Variants in OR13C3 observed in about 807,000 individuals in gnomAD.
OR13C3 encodes the protein olfactory receptor family 13 subfamily C member 3.
A neutral mutation model predicts 14.4 loss-of-function variants in OR13C3; 19 were observed. The ratio of observed to expected loss-of-function variants is 1.31; its 90% CI spans 0.92 to 1.93. The LOEUF is 1.93. OR13C3 is among the 30% of genes most tolerant of loss of function. The pLI is 0.00. For missense variants in OR13C3, 394 were observed against 381.4 expected, an observed-to-expected ratio of 1.03 and a Z score of -0.27; for synonymous variants, 140 against 142.5, an observed-to-expected ratio of 0.98 and a Z score of 0.12.
At chr9:104,536,346 G>T in exon 1 of OR13C3, 2 of 1,614,146 alleles carry the variant, frequency 1.2e-6, no homozygotes, top group Middle Eastern at 3.3e-4. Flanking sequence ...GTGGGTTGCA[G>T]ATGGCCACAT....
exon 1 of OR13C3, chr9:104,535,856 T>A (rs202056386): frequency 1.2e-6 from 2 of 1,612,838 alleles, no homozygotes; most frequent in Non-Finnish European, 1.7e-6. Flanking sequence ...GGATTCAGCA[T>A]GGGTGTCACT....
chr9:104,536,762 G>A (rs76824498), exon 1 of OR13C3: 13 of 1,613,544 alleles, frequency 8.1e-6, no homozygotes, highest in Non-Finnish European at 1.1e-5. Flanking sequence ...GATCTAACAT[G>A]AAATGTATTT....
exon 1 of OR13C3, chr9:104,536,609 G>C (rs1330501019): frequency 3.7e-6 from 6 of 1,613,982 alleles, no homozygotes; most frequent in Non-Finnish European, 5.1e-6. Context: ...TTGCCAATTA[G>C]AATCACTAGG....
At chr9:104,536,691 T>A in exon 1 of OR13C3, 1 of 1,614,024 alleles carries the variant, frequency 6.2e-7, no homozygotes, top group Non-Finnish European at 8.5e-7. Context: ...GAAGAAGAAA[T>A]TCTGACACAA....
At chr9:104,536,199 A>G (rs760237575) in exon 1 of OR13C3, 1 of 1,614,130 alleles carries the variant, frequency 6.2e-7, no homozygotes, top group South Asian at 1.1e-5. Context: ...ATGCGAAATG[A>G]TTGATAATAT....
chr9:104,536,724 GTCA>G lies in OR13C3; in HGVS notation c.-4_-2del. 3.1e-6 allele frequency: 5 copies of G among 1,613,718 alleles called. No homozygotes were observed. Among genetic ancestry groups the G allele is most frequent in the Non-Finnish European group, 4.2e-6 (5 of 1,179,684 alleles). On this transcript the variant is annotated 5_prime_UTR_variant, in exon 1 of 1. It removes an upstream start codon present in the reference 5' UTR. Coordinates refer to ENST00000641090, the Ensembl canonical transcript of OR13C3. ...CAAGTGTCTGGTTAATCTCACCCAT[GTCA>G]TCTGCTTTCAGGAAATCAAAAGAAG...
At chr9:104,536,087 C>T in exon 1 of OR13C3, 1 of 1,613,896 alleles carries the variant, frequency 6.2e-7, no homozygotes, top group Non-Finnish European at 8.5e-7. Context: ...AAAAAAATGA[C>T]CATCAGTGGA....
In OR13C3 at chr9:104,536,112, C is replaced by T. The variant is rs749632294; in HGVS notation, c.612G>A (p.Met204Ile). 21 of 1,613,690 alleles carry T rather than the reference C, an allele frequency of 1.3e-5. No individual in the cohort carries two copies. In the South Asian group the frequency reaches 2.2e-4, roughly 17 times the overall value. The change falls in exon 1 of 1, where the codon ATG (methionine) becomes ATA (isoleucine). Residue 204 changes from methionine (M) to isoleucine (I), a missense_variant. By Grantham distance (10) the Met-to-Ile change is conservative. Coordinates refer to ENST00000641090, the Ensembl canonical transcript of OR13C3. ...CCATCAGTGGAAGAACCAGGAAGGC[C>T]ATATTTGATATCACCATGGTGATAA... is the stretch of plus-strand genomic sequence containing the variant.
In OR13C3 at chr9:104,536,770, T is replaced by C. The variant is rs150189808; in HGVS notation, c.-47A>G. On this transcript the variant is annotated 5_prime_UTR_variant, in exon 1 of 1. Transcript: ENST00000641090. ...AAAAGAAGATCTAACATGAAATGTA[T>C]TTACTGCCAAGAAACAAACAGTACA... is the stretch of plus-strand genomic sequence containing the variant. The C allele has an allele frequency of 2.5e-5, 40 of 1,613,646 alleles. No individual in the cohort carries two copies. In the African/African-American group the frequency reaches 5.1e-4, roughly 20 times the overall value.
chr9:104,536,264 T>C (rs1828816066), exon 1 of OR13C3: 2 of 1,614,162 alleles, frequency 1.2e-6, no homozygotes. Context: ...GCTGAATTTA[T>C]TCCACCGGAC....
At chr9:104,536,647 A>C in exon 1 of OR13C3, 7 of 1,614,130 alleles carry the variant, frequency 4.3e-6, no homozygotes, top group Non-Finnish European at 5.9e-6. Context: ...AGCAAAGTAA[A>C]CAATCTCAAT....
chr9:104,536,706 C>A (rs1828823366), exon 1 of OR13C3: 3 of 1,613,656 alleles, frequency 1.9e-6, no homozygotes, highest in Admixed American at 1.7e-5. Context: ...ACACAAGTGT[C>A]TGGTTAATCT....
exon 1 of OR13C3, chr9:104,536,690 A>T (rs1828823029): frequency 1.2e-6 from 2 of 1,613,968 alleles, no homozygotes; most frequent in Non-Finnish European, 1.7e-6. Flanking sequence ...AGAAGAAGAA[A>T]TTCTGACACA....
chr9:104,536,581 G>T (rs796795211), exon 1 of OR13C3: 2 of 1,613,934 alleles, frequency 1.2e-6, no homozygotes, highest in African/African-American at 1.3e-5. Flanking sequence ...AAAGATGCTG[G>T]CTATGATTAG....
chr9:104,535,887 G>T (rs142134607), exon 1 of OR13C3: 7 of 1,613,596 alleles, frequency 4.3e-6, no homozygotes, highest in Non-Finnish European at 5.9e-6. Flanking sequence ...ACAGAGAAAT[G>T]AGCTTGTCTA....
exon 1 of OR13C3, chr9:104,536,513 T>C: frequency 6.2e-7 from 1 of 1,614,130 alleles, no homozygotes; most frequent in Non-Finnish European, 8.5e-7. Flanking sequence ...GTATAGCAGA[T>C]ATCCAGGAAA....
exon 1 of OR13C3, chr9:104,535,840 A>T (rs780864006): frequency 1.2e-6 from 2 of 1,613,656 alleles, no homozygotes; most frequent in Non-Finnish European, 1.7e-6. Context: ...CAAGCTATAG[A>T]GTATAGGATT....
At position 104,536,008 on chromosome 9, in the gene OR13C3, G is replaced by A; in HGVS notation, c.716C>T (p.Ser239Phe). The change falls in exon 1 of 1, where the codon TCC (serine) becomes TTC (phenylalanine). Residue 239 changes from serine to phenylalanine, a missense_variant. Ser to Phe is a radical substitution (Grantham distance 155). Transcript: ENST00000641090. ...CACAGTCAGGTGAGCTGAGCACGTG[G>A]AAAATGCCTTGCGTCTTCCTGTGGC... 1 of 1,614,038 alleles carries A rather than the reference G, an allele frequency of 6.2e-7. No individual in the cohort carries two copies. The highest frequency in any genetic ancestry group is 8.5e-7 in the Non-Finnish European group (1 of 1,179,942).
exon 1 of OR13C3, chr9:104,536,327 G>T (rs757316873): frequency 6.2e-7 from 1 of 1,614,016 alleles, no homozygotes; most frequent in East Asian, 2.2e-5. Context: ...AGGATGATGG[G>T]GTATCTCAGT....
Sources: gnomAD v4.1 joint callset for allele counts on GRCh38, gnomAD v4.1.1 for gene constraint, MANE v1.5 for transcripts, NCBI Gene and HGNC (gene_info 2026-07-23, HGNC 2026-07-21) for gene names.